Variants in FSTL4 observed in about 807,000 individuals in gnomAD.
FSTL4 encodes the protein follistatin like 4, also known as follistatin-related protein 4.
A neutral mutation model predicts 78.2 loss-of-function variants in FSTL4; 28 were observed. The ratio of observed to expected loss-of-function variants is 0.36; its 90% CI spans 0.27 to 0.49. The LOEUF is 0.49. FSTL4 is among the 20% of genes least tolerant of loss of function. FSTL4 has a pLI of 0.98. For missense variants in FSTL4, 922 were observed against 1,084.9 expected, an observed-to-expected ratio of 0.85 and a Z score of 2.11; for synonymous variants, 422 against 440.5, an observed-to-expected ratio of 0.96 and a Z score of 0.53.
chr5:133,300,880 C>T (rs1168180355), intron 6 of FSTL4, among the ~76,000 whole-genome samples: 1 of 151,724 alleles, frequency 6.6e-6, no homozygotes, highest in Non-Finnish European at 1.5e-5. Flanking sequence ...TTCTGAATAA[C>T]AGCTCTGCTG....
At chr5:133,505,559 T>G (rs1331538996) in intron 3 of FSTL4, among the ~76,000 whole-genome samples, 2 of 152,256 alleles carry the variant, frequency 1.3e-5, no homozygotes, top group African/African-American at 4.8e-5. Flanking sequence ...AAGTCCTTCT[T>G]AATCAAAGCC....
chr5:133,659,177 A>G, the FSTL4 span, among the ~76,000 whole-genome samples: 1 of 152,106 alleles, frequency 6.6e-6, no homozygotes, highest in Non-Finnish European at 1.5e-5. Context: ...TGCTTCAAGT[A>G]TTAGTTTTTG....
chr5:133,386,035 C>T (rs1006323345), intron 4 of FSTL4, among the ~76,000 whole-genome samples: 3 of 152,180 alleles, frequency 2.0e-5, no homozygotes, highest in African/African-American at 7.2e-5. Flanking sequence ...CTCCTCCTCA[C>T]CGGTTGAGTG....
In FSTL4 at chr5:133,440,374, C is replaced by T. The variant is rs1757126698; in HGVS notation, c.161-39388G>A. Among the ~76,000 whole-genome samples the T allele has an allele frequency of 6.6e-6, 1 of 152,182 alleles. No individual in the cohort carries two copies. On this transcript the variant is annotated intron_variant, in intron 3 of 15. Coordinates refer to ENST00000265342, the MANE Select transcript of FSTL4 (RefSeq NM_015082.2). This position sits in a 1 kb window ranked among gnomAD's most constrained non-coding sequence, Gnocchi z 4.1. ...TCAAGGCCCTTTCTTGTGGAAGGCT[C>T]AGCATCTGTCAGCTTCTGCTCCACA... is the stretch of plus-strand genomic sequence containing the variant.
chr5:133,378,010 CA>C (rs934446871), intron 4 of FSTL4, among the ~76,000 whole-genome samples: 2 of 151,878 alleles, frequency 1.3e-5, no homozygotes, highest in African/African-American at 4.8e-5. Context: ...TGCTAAAAAA[CA>C]AAACTGTAAA....
At chr5:133,784,485 T>G in the FSTL4 span, among the ~76,000 whole-genome samples, 1 of 152,168 alleles carries the variant, frequency 6.6e-6, no homozygotes, top group Non-Finnish European at 1.5e-5. Flanking sequence ...ATAAGCATAA[T>G]GTGAGGTGGA....
intron 3 of FSTL4, among the ~76,000 whole-genome samples, chr5:133,402,753 CTT>C (rs1422678047): frequency 1.3e-5 from 2 of 152,182 alleles, no homozygotes; most frequent in African/African-American, 4.8e-5. Context: ...GAAGTATTGA[CTT>C]TTTCTTGAAT....
intron 3 of FSTL4, among the ~76,000 whole-genome samples, chr5:133,552,578 A>G (rs1226546644): frequency 6.6e-6 from 1 of 152,212 alleles, no homozygotes; most frequent in East Asian, 1.9e-4. Flanking sequence ...ATATTGAAAT[A>G]TTTTTATGTT....
chr5:133,795,980 G>A, the FSTL4 span, among the ~76,000 whole-genome samples: 6 of 152,278 alleles, frequency 3.9e-5, no homozygotes, highest in East Asian at 3.9e-4. Flanking sequence ...AGTGTCCAAC[G>A]TCCCTGCCCT....
chr5:133,630,651 A>G, the FSTL4 span, among the ~76,000 whole-genome samples: 1 of 152,312 alleles, frequency 6.6e-6, no homozygotes, highest in East Asian at 1.9e-4. Context: ...ACTAAATTTC[A>G]TATGGAACCA....
intron 6 of FSTL4, among the ~76,000 whole-genome samples, chr5:133,266,207 G>T (rs545167883): frequency 3.3e-5 from 5 of 152,350 alleles, no homozygotes; most frequent in African/African-American, 1.2e-4. Context: ...AGGCGTGGGG[G>T]CCCCTGTGGG....
chr5:133,648,852 G>A, the FSTL4 span, among the ~76,000 whole-genome samples: 3 of 152,186 alleles, frequency 2.0e-5, no homozygotes, highest in East Asian at 3.9e-4. Flanking sequence ...TACAATCAAT[G>A]ACTCTACATT....
chr5:133,513,961 G>A (rs1001088304), intron 3 of FSTL4, among the ~76,000 whole-genome samples: 3 of 152,052 alleles, frequency 2.0e-5, no homozygotes, highest in South Asian at 4.1e-4. Context: ...GGTGGATCAC[G>A]AGGTCAGGAG....
At chr5:133,608,513 A>G (rs1761020994) in intron 1 of FSTL4, among the ~76,000 whole-genome samples, 1 of 152,260 alleles carries the variant, frequency 6.6e-6, no homozygotes, top group Non-Finnish European at 1.5e-5. Flanking sequence ...ACTGGAACCC[A>G]GGCATCCTGC....
At chr5:133,514,040 G>A (rs921107510) in intron 3 of FSTL4, among the ~76,000 whole-genome samples, 5 of 151,994 alleles carry the variant, frequency 3.3e-5, no homozygotes, top group South Asian at 2.1e-4. Context: ...TTAGCCAGGC[G>A]TAGTGGTGGG....
chr5:133,385,050 C>T (rs988992693), intron 4 of FSTL4, among the ~76,000 whole-genome samples: 4 of 152,144 alleles, frequency 2.6e-5, no homozygotes, highest in African/African-American at 7.2e-5. Flanking sequence ...GGACGTGCTC[C>T]GTTGTCGCGC....
At chr5:133,512,264 C>A (rs1758750464) in intron 3 of FSTL4, among the ~76,000 whole-genome samples, 1 of 152,248 alleles carries the variant, frequency 6.6e-6, no homozygotes, top group South Asian at 2.1e-4. Flanking sequence ...TGTAGTCCAA[C>A]ACACAGTTCA....
At chr5:133,625,263 G>C in the FSTL4 span, among the ~76,000 whole-genome samples, 1 of 151,552 alleles carries the variant, frequency 6.6e-6, no homozygotes, top group Admixed American at 6.6e-5. Context: ...ATTTTCTTTT[G>C]GGGAATTTTT....
intron 3 of FSTL4, among the ~76,000 whole-genome samples, chr5:133,423,690 G>C: frequency 6.6e-6 from 1 of 152,162 alleles, no homozygotes; most frequent in African/African-American, 2.4e-5. Flanking sequence ...ATGGCAGTAA[G>C]GATGGCGATC....
Sources: gnomAD v4.1 joint callset for allele counts (sites outside exome capture counted in the v4.1 genomes callset) on GRCh38, gnomAD v4.1.1 for gene constraint, Gnocchi (gnomAD v3.1) non-coding constraint, MANE v1.5 for transcripts, NCBI Gene and HGNC (gene_info 2026-07-23, HGNC 2026-07-21) for gene names.